RPL23A: variants seen among roughly 807,000 people sequenced by gnomAD.
The protein encoded by RPL23A is ribosomal protein L23a.
RPL23A carries 2 observed loss-of-function variants against 17.6 expected under a neutral mutation model. The ratio of observed to expected loss-of-function variants is 0.11; its 90% CI spans 0.05 to 0.36. The LOEUF (loss-of-function observed/expected upper bound fraction) is 0.36, where lower values mean the gene tolerates loss of function less well. RPL23A is among the 10% of genes least tolerant of loss of function. The probability of loss-of-function intolerance (pLI) is 1.00; values close to 1 mark genes in which losing one functional copy is unlikely to be tolerated. For synonymous variants in RPL23A, 65 were observed against 74.3 expected (o/e 0.87, Z 0.65); for missense variants, 132 against 194.4 (o/e 0.68, Z 1.91).
intron 1 of RPL23A, chr17:28,720,395 C>A (rs2034092277): frequency 1.6e-5 from 25 of 1,583,738 alleles, no homozygotes; most frequent in Non-Finnish European, 2.1e-5. Context: ...GGCTACATTA[C>A]CCGCCCCTCT....
At chr17:28,722,329 C>T (rs565016743) in intron 2 of RPL23A, 10 of 340,336 alleles carry the variant, frequency 2.9e-5, no homozygotes, top group African/African-American at 1.3e-4. Context: ...CAGGCGTGCA[C>T]CACCATGACC....
At chr17:28,723,159 A>G (rs903804257) in intron 3 of RPL23A, 22 of 540,396 alleles carry the variant, frequency 4.1e-5, no homozygotes, top group Non-Finnish European at 6.9e-5. Context: ...AGCAGGGGAA[A>G]AAGGTTCCTT....
chr17:28,723,551 G>A lies in RPL23A; in HGVS notation c.387-20G>A. On this transcript the variant is annotated intron_variant, in intron 3 of 4. Transcript: ENST00000422514. Reference sequence around the variant, plus strand: ...GGGCAGTGAGGGTGGCAGGGACTAAGGCTTCCTTCTCTACCCTAGGCCTGA... The same window carrying A: ...GGGCAGTGAGGGTGGCAGGGACTAAAGCTTCCTTCTCTACCCTAGGCCTGA... 6.2e-7 allele frequency: 1 copy of A among 1,605,092 alleles called. No homozygotes were observed.
Position 28,724,093 on chromosome 17 carries a change from G to C in RPL23A, c.*212G>C. On this transcript the variant is annotated 3_prime_UTR_variant, in exon 5 of 5. Transcript: ENST00000422514. ...ATCATTCCAGAGATCTTTGTGACTA[G>C]AGTTAGTGTCCTAGGAAAACCAGAA... 2 of 527,042 alleles carry C rather than the reference G, an allele frequency of 3.8e-6. No individual in the cohort carries two copies. Among genetic ancestry groups the C allele is most frequent in the Non-Finnish European group, 6.6e-6 (2 of 304,770 alleles). The allele number at this position is 527,042 out of a possible 1,614,324, so 32.6% of individuals were successfully genotyped here. A position where few individuals can be genotyped will look rare whatever the true frequency, so the allele number is the denominator to read the frequency against.
intron 2 of RPL23A, 87 bp downstream of exon 2, chr17:28,720,977 T>C: frequency 1.7e-6 from 2 of 1,179,338 alleles, no homozygotes; most frequent in Non-Finnish European, 2.5e-6. Context: ...TGATGGTTTC[T>C]CAAACGCAAA....
At chr17:28,722,197 C>CGAGATCCTGTCACTGCACTCCAGCCTGG (rs2034126914) in intron 2 of RPL23A, among the ~76,000 whole-genome samples, 3 of 149,842 alleles carry the variant, frequency 2.0e-5, no homozygotes, top group Non-Finnish European at 4.4e-5. Context: ...TGCAGCGAGC[C>CGAGATCCTGTCACTGCACTCCAGCCTGG]GAGATCCTGT....
At chr17:28,721,218 G>A (rs1414651899) in intron 2 of RPL23A, 1 of 259,426 alleles carries the variant, frequency 3.9e-6, no homozygotes, top group Non-Finnish European at 7.6e-6. Flanking sequence ...CGGGCATGGT[G>A]GCGCATGTCT....
chr17:28,720,641 G>C (rs2034098172), intron 1 of RPL23A, 66 bp from the exon 2 acceptor site: 1 of 1,571,798 alleles, frequency 6.4e-7, no homozygotes, highest in Non-Finnish European at 8.8e-7. Context: ...GCCCACTGCA[G>C]TTCTTGGGGC....
chr17:28,723,663 C>T (rs777775438), intron 4 of RPL23A, 23 bp downstream of exon 4: 1 of 1,605,368 alleles, frequency 6.2e-7, no homozygotes, highest in Non-Finnish European at 8.5e-7. Flanking sequence ...CCTACAAACC[C>T]CTTAATGCTC....
rs1226664900 is a variant in RPL23A, at chr17:28,721,002, C to T, written c.209+112C>T. ...TCAAACGCAAATTGTGTCCAGTGTG[C>T]TTCTCTAATTGGAAGTATGAGGAGA... On this transcript the variant is annotated intron_variant, in intron 2 of 4. Coordinates refer to ENST00000422514, the MANE Select transcript of RPL23A (RefSeq NM_000984.6). The T allele has an allele frequency of 1.9e-5, 17 of 904,952 alleles. No individual in the cohort carries two copies. In the East Asian group the frequency reaches 3.9e-4, roughly 21 times the overall value. 56.1% of individuals were successfully genotyped at this position (904,952 alleles called of 1,614,324 possible).
In RPL23A at chr17:28,720,311, C is replaced by T. The variant is rs1278192022; in HGVS notation, c.25+281C>T. The T allele has an allele frequency of 3.2e-6, 5 of 1,550,398 alleles. No homozygotes were observed. The African/African-American group carries it at 4.1e-5, about 13-fold the overall frequency. Reference sequence around the variant, plus strand: ...AGCTACATGCATCCACTGGTTGGAGCTCCATGTCCCCGGGCCTGTAAGGAA... The same window carrying T: ...AGCTACATGCATCCACTGGTTGGAGTTCCATGTCCCCGGGCCTGTAAGGAA... On this transcript the variant is annotated intron_variant, in intron 1 of 4. Transcript: ENST00000422514.
chr17:28,720,594 C>T (rs1322773564), intron 1 of RPL23A, 113 bp from the exon 2 acceptor site: 26 of 1,396,592 alleles, frequency 1.9e-5, no homozygotes, highest in Non-Finnish European at 2.6e-5. Flanking sequence ...CTTGTGATGT[C>T]TTCAAAGGAA....
chr17:28,722,370 A>C, intron 2 of RPL23A: 1 of 364,072 alleles, frequency 2.7e-6, no homozygotes, highest in Non-Finnish European at 5.4e-6. Flanking sequence ...GTTGAGAGGG[A>C]GTTTCACCAT....
intron 2 of RPL23A, 107 bp from the exon 3 acceptor site, chr17:28,722,616 C>A: frequency 1.0e-6 from 1 of 952,818 alleles, no homozygotes; most frequent in Non-Finnish European, 1.7e-6. Flanking sequence ...CGACCAAAGT[C>A]TGAACAAAGT....
chr17:28,720,047 G>A lies in RPL23A; in HGVS notation c.25+17G>A. On this transcript the variant is annotated intron_variant, in intron 1 of 4. Transcript: ENST00000422514. ...AGAAGGAAGGTGTGTGTTGGTGATGGGGCCGCAGCTGGTTTACCGGGGATT... is the reference window on the plus strand; with the variant it reads ...AGAAGGAAGGTGTGTGTTGGTGATGAGGCCGCAGCTGGTTTACCGGGGATT... 1 of 1,551,444 alleles carries A rather than the reference G, an allele frequency of 6.4e-7. No homozygotes were observed. The highest frequency in any genetic ancestry group is 1.8e-4 in the Middle Eastern group (1 of 5,656).
chr17:28,720,289 T>A, intron 1 of RPL23A: 1 of 1,549,426 alleles, frequency 6.5e-7, no homozygotes, highest in Non-Finnish European at 8.7e-7. Context: ...TCTGGGAAGC[T>A]ACATGCATCC....
chr17:28,723,938 A>G lies in RPL23A; in HGVS notation c.*57A>G, dbSNP rs551012457. 7.9e-7 allele frequency: 1 copy of G among 1,259,150 alleles called. No homozygotes were observed. The highest frequency in any genetic ancestry group is 1.5e-5 in the African/African-American group (1 of 65,126). 78.0% of individuals were successfully genotyped at this position (1,259,150 alleles called of 1,614,324 possible). A position where few individuals can be genotyped will look rare whatever the true frequency, so the allele number is the denominator to read the frequency against. On this transcript the variant is annotated 3_prime_UTR_variant, in exon 5 of 5. Transcript: ENST00000422514. ...ATATATATATATCTTTTCACCATAT[A>G]CATGCCTGTCTGTCAATTTCTGGTT... is the stretch of plus-strand genomic sequence containing the variant.
At chr17:28,723,662 C>A in intron 4 of RPL23A, 22 bp downstream of exon 4, 4 of 1,606,192 alleles carry the variant, frequency 2.5e-6, no homozygotes, top group Middle Eastern at 1.7e-4. Flanking sequence ...TCCTACAAAC[C>A]CCTTAATGCT....
chr17:28,720,242 G>GC, intron 1 of RPL23A: 1 of 1,540,676 alleles, frequency 6.5e-7, no homozygotes, highest in Non-Finnish European at 8.8e-7. Flanking sequence ...GGGCAACGCG[G>GC]CAGGCATCAT....
Sources: allele counts gnomAD v4.1 joint callset (sites outside exome capture counted in the v4.1 genomes callset), GRCh38; gene constraint gnomAD v4.1.1; transcripts MANE v1.5; gene names NCBI Gene and HGNC (gene_info 2026-07-23, HGNC 2026-07-21).